Variants in FUT8 observed in about 807,000 individuals in gnomAD.
FUT8 encodes fucosyltransferase 8.
In FUT8, 29 loss-of-function variants were observed where a neutral mutation model predicts 71.3. The ratio of observed to expected loss-of-function variants is 0.41; its 90% confidence interval spans 0.30 to 0.55. The LOEUF is 0.55. FUT8 is among the 20% of genes least tolerant of loss of function. The probability of loss-of-function intolerance (pLI) is 0.34; values close to 1 mark genes in which losing one functional copy is unlikely to be tolerated. For missense variants in FUT8, 544 were observed against 702.1 expected (o/e 0.77, Z 2.55); for synonymous variants, 254 against 239.3 (o/e 1.06, Z -0.57).
chr14:65,657,370 C>T (rs117613631), intron 6 of FUT8, among the ~76,000 whole-genome samples: 3 of 152,268 alleles, frequency 2.0e-5, no homozygotes, highest in South Asian at 4.1e-4. Flanking sequence ...ATTTGCACTT[C>T]CATGTTTACT....
intron 2 of FUT8, among the ~76,000 whole-genome samples, chr14:65,509,755 T>C (rs1882211245): frequency 6.6e-6 from 1 of 152,200 alleles, no homozygotes; most frequent in African/African-American, 2.4e-5. Flanking sequence ...ATGCTACTTA[T>C]TTTTGTATGT....
chr14:65,661,473 A>AAAC (rs1891962008), intron 6 of FUT8, among the ~76,000 whole-genome samples: 2 of 152,292 alleles, frequency 1.3e-5, no homozygotes, highest in East Asian at 3.9e-4. Flanking sequence ...TGTCCAGTTT[A>AAAC]TATTTACTAA....
chr14:65,709,796 C>T (rs775141053), intron 7 of FUT8, among the ~76,000 whole-genome samples: 1 of 152,178 alleles, frequency 6.6e-6, no homozygotes, highest in African/African-American at 2.4e-5. Flanking sequence ...GTGTGAGGCA[C>T]AGCCGTTTCT....
intron 3 of FUT8, among the ~76,000 whole-genome samples, chr14:65,596,449 T>C (rs1198881757): frequency 2.6e-5 from 4 of 152,220 alleles, no homozygotes; most frequent in African/African-American, 9.6e-5. Flanking sequence ...AATTCATTTA[T>C]AGCAGTTATC....
rs528219020 is a variant in FUT8, at chr14:65,627,851, A to G, written c.483-1641A>G. Reference sequence around the variant, plus strand: ...TCCCTGGCACCAGCTGTGACTAGTTAAATTATTTTAGAGAGATACTTTAAC... The same window carrying G: ...TCCCTGGCACCAGCTGTGACTAGTTGAATTATTTTAGAGAGATACTTTAAC... On this transcript the variant is annotated intron_variant, in intron 5 of 10. Transcript: ENST00000673929. The surrounding 1 kb of genome is among the most constrained non-coding windows in gnomAD (Gnocchi z 4.0). Among the ~76,000 whole-genome samples the G allele has an allele frequency of 6.6e-6, 1 of 152,254 alleles. No homozygotes were observed. Among genetic ancestry groups the G allele is most frequent in the African/African-American group, 2.4e-5 (1 of 41,562 alleles).
chr14:65,470,891 G>A (rs544940714), intron 2 of FUT8, among the ~76,000 whole-genome samples: 1 of 152,090 alleles, frequency 6.6e-6, no homozygotes, highest in South Asian at 2.1e-4. Context: ...GGCTGTTGAG[G>A]GAGGGGGTCT....
chr14:65,709,954 A>G (rs1202999221), intron 7 of FUT8, among the ~76,000 whole-genome samples: 1 of 152,224 alleles, frequency 6.6e-6, no homozygotes, highest in South Asian at 2.1e-4. Flanking sequence ...ACATTCTGCA[A>G]TTCATCGACA....
At chr14:65,415,803 CA>C (rs2065212346) in intron 1 of FUT8, among the ~76,000 whole-genome samples, 1 of 151,856 alleles carries the variant, frequency 6.6e-6, no homozygotes, top group Admixed American at 6.6e-5. Flanking sequence ...GCAGTGCGTC[CA>C]GCTGATCTAC....
At chr14:65,653,706 C>T (rs1266748296) in intron 6 of FUT8, among the ~76,000 whole-genome samples, 1 of 152,158 alleles carries the variant, frequency 6.6e-6, no homozygotes, top group Non-Finnish European at 1.5e-5. Flanking sequence ...AGTAGGAAAA[C>T]TGTATCGTTT....
the FUT8 span, among the ~76,000 whole-genome samples, chr14:65,383,108 G>A: frequency 1.2e-4 from 18 of 152,064 alleles, 1 homozygote; most frequent in South Asian, 3.7e-3. Context: ...CCCCATTTTA[G>A]AATCTTATTG....
chr14:65,686,709 C>G (rs1227822152), intron 7 of FUT8, among the ~76,000 whole-genome samples: 2 of 152,084 alleles, frequency 1.3e-5, no homozygotes, highest in Non-Finnish European at 2.9e-5. Flanking sequence ...TAGCAAAGAA[C>G]AAGAAACTGT....
At chr14:65,653,146 G>C (rs1003014331) in intron 6 of FUT8, among the ~76,000 whole-genome samples, 4 of 152,174 alleles carry the variant, frequency 2.6e-5, no homozygotes, top group African/African-American at 9.7e-5. Flanking sequence ...AGGTAGAAGA[G>C]GAGAGGTAGA....
At chr14:65,633,406 A>G (rs1425859282) in intron 6 of FUT8, among the ~76,000 whole-genome samples, 3 of 152,042 alleles carry the variant, frequency 2.0e-5, no homozygotes, top group Non-Finnish European at 2.9e-5. Flanking sequence ...TGGCCTCCCA[A>G]AGTGCCGAGA....
At chr14:65,530,659 A>C (rs927297509) in intron 2 of FUT8, among the ~76,000 whole-genome samples, 3 of 152,072 alleles carry the variant, frequency 2.0e-5, no homozygotes, top group African/African-American at 7.2e-5. Context: ...ATCTAATATT[A>C]GTTACCAGTC....
chr14:65,596,697 A>G (rs187456905), intron 3 of FUT8, among the ~76,000 whole-genome samples: 51 of 152,344 alleles, frequency 3.3e-4, no homozygotes, highest in Non-Finnish European at 4.1e-4. Flanking sequence ...AAGAATATCA[A>G]CTACAGAATT....
intron 3 of FUT8, among the ~76,000 whole-genome samples, chr14:65,585,404 C>T (rs116657912): frequency 5.1e-4 from 77 of 152,214 alleles, no homozygotes; most frequent in African/African-American, 1.8e-3. Context: ...TCAGGCTGGT[C>T]TCAAAGTGCT....
the FUT8 span, among the ~76,000 whole-genome samples, chr14:65,378,192 C>G: frequency 6.6e-6 from 1 of 151,952 alleles, no homozygotes; most frequent in East Asian, 2.0e-4. Context: ...CTTTACTATT[C>G]TTGTTATTAT....
At chr14:65,584,027 G>A (rs987043256) in intron 3 of FUT8, among the ~76,000 whole-genome samples, 21 of 151,542 alleles carry the variant, frequency 1.4e-4, no homozygotes, top group African/African-American at 4.1e-4. Flanking sequence ...CTACAGGCGC[G>A]TGCTACCACG....
chr14:65,526,761 G>A (rs2139888539), intron 2 of FUT8, among the ~76,000 whole-genome samples: 1 of 152,250 alleles, frequency 6.6e-6, no homozygotes, highest in South Asian at 2.1e-4. Flanking sequence ...AGGCCTGGTG[G>A]TGACAGAATC....
Sources: gnomAD v4.1 joint callset for allele counts (sites outside exome capture counted in the v4.1 genomes callset) on GRCh38, gnomAD v4.1.1 for gene constraint, Gnocchi (gnomAD v3.1) non-coding constraint, MANE v1.5 for transcripts, NCBI Gene and HGNC (gene_info 2026-07-23, HGNC 2026-07-21) for gene names.